IMMP2L: variants seen among roughly 807,000 people sequenced by gnomAD.
IMMP2L encodes the protein inner mitochondrial membrane peptidase subunit 2.
A neutral mutation model predicts 19.3 loss-of-function variants in IMMP2L; 18 were observed. That is an observed-to-expected ratio of 0.93 (90% confidence interval 0.64 to 1.38). IMMP2L has a LOEUF of 1.38. Among genes scored for constraint, IMMP2L ranks in the 40% most tolerant of loss-of-function variants. The pLI is 0.00. For synonymous variants in IMMP2L, 76 were observed against 73.0 expected (o/e 1.04, Z -0.21); for missense variants, 233 against 218.2 (o/e 1.07, Z -0.43).
chr7:111,072,198 A>G (rs2129575473), intron 3 of IMMP2L, among the ~76,000 whole-genome samples: 1 of 152,342 alleles, frequency 6.6e-6, no homozygotes, highest in African/African-American at 2.4e-5. Context: ...AAAAGGAATG[A>G]CAGAGTTAGA....
intron 3 of IMMP2L, among the ~76,000 whole-genome samples, chr7:111,386,208 T>C (rs1467003985): frequency 6.6e-6 from 1 of 152,076 alleles, no homozygotes; most frequent in Non-Finnish European, 1.5e-5. Flanking sequence ...TAACCTGATA[T>C]AATAATCTAG....
chr7:111,500,936 G>A (rs1253934367), intron 2 of IMMP2L, among the ~76,000 whole-genome samples: 4 of 152,160 alleles, frequency 2.6e-5, no homozygotes, highest in Admixed American at 6.6e-5. Context: ...CCAAAGGAAC[G>A]CAGCTCCTCA....
chr7:111,049,167 G>C (rs1792757904), intron 3 of IMMP2L, among the ~76,000 whole-genome samples: 1 of 113,760 alleles, frequency 8.8e-6, no homozygotes, highest in Non-Finnish European at 1.6e-5. Context: ...GTCTCGCTCT[G>C]TCGCCCAGGC....
chr7:111,317,379 C>A (rs183329914), intron 3 of IMMP2L, among the ~76,000 whole-genome samples: 2 of 152,068 alleles, frequency 1.3e-5, no homozygotes, highest in East Asian at 3.9e-4. Context: ...AGGATTTTGC[C>A]AAGCTTAATA....
chr7:111,209,436 G>A (rs112717148), intron 3 of IMMP2L, among the ~76,000 whole-genome samples: 2,113 of 149,448 alleles, frequency 0.014, 49 homozygotes, highest in African/African-American at 0.048. Context: ...CACTAATTAC[G>A]GATTAAACTC....
At chr7:111,113,523 T>G (rs1432097230) in intron 3 of IMMP2L, among the ~76,000 whole-genome samples, 1 of 152,180 alleles carries the variant, frequency 6.6e-6, no homozygotes, top group Non-Finnish European at 1.5e-5. Flanking sequence ...TCACTTCATT[T>G]ATTTTTTTCT....
chr7:111,080,419 C>T (rs139830785), intron 3 of IMMP2L, among the ~76,000 whole-genome samples: 147 of 151,432 alleles, frequency 9.7e-4, no homozygotes, highest in African/African-American at 3.4e-3. Flanking sequence ...CACGTATATA[C>T]TTATATACAC....
intron 5 of IMMP2L, among the ~76,000 whole-genome samples, chr7:110,759,322 TCTTAC>T (rs1241771236): frequency 4.2e-4 from 64 of 152,244 alleles, no homozygotes. Flanking sequence ...GAGCACCTTA[TCTTAC>T]CTTCCTCTGA....
chr7:110,667,136 C>G (rs1403880267), intron 5 of IMMP2L, among the ~76,000 whole-genome samples: 1 of 152,194 alleles, frequency 6.6e-6, no homozygotes, highest in African/African-American at 2.4e-5. Flanking sequence ...TCCCAAAGTG[C>G]TGGGATTACA....
chr7:110,776,366 T>C (rs925905459), intron 5 of IMMP2L, among the ~76,000 whole-genome samples: 2 of 152,010 alleles, frequency 1.3e-5, no homozygotes, highest in Non-Finnish European at 2.9e-5. Context: ...ATGATACAGG[T>C]ATCTCTACGT....
chr7:110,826,458 C>G (rs1230994089), intron 5 of IMMP2L, among the ~76,000 whole-genome samples: 4 of 152,042 alleles, frequency 2.6e-5, no homozygotes, highest in African/African-American at 9.7e-5. Context: ...CAATGATAGA[C>G]TGGATTAAGA....
chr7:111,308,534 G>A (rs985112768), intron 3 of IMMP2L, among the ~76,000 whole-genome samples: 4 of 151,638 alleles, frequency 2.6e-5, no homozygotes, highest in Non-Finnish European at 4.4e-5. Context: ...TTTCTAGGCA[G>A]AAAAATATTA....
intron 3 of IMMP2L, among the ~76,000 whole-genome samples, chr7:111,343,347 T>C (rs1827215992): frequency 6.6e-6 from 1 of 152,064 alleles, no homozygotes. Flanking sequence ...AACTAAACTC[T>C]TCAACTACAG....
At chr7:111,414,054 G>A (rs752044909) in intron 3 of IMMP2L, among the ~76,000 whole-genome samples, 4 of 151,644 alleles carry the variant, frequency 2.6e-5, no homozygotes, top group Admixed American at 2.6e-4. Flanking sequence ...GCAGTTTCCC[G>A]GAAAGTTTCA....
At chr7:110,968,563 C>T (rs116825863) in intron 3 of IMMP2L, among the ~76,000 whole-genome samples, 151 of 152,204 alleles carry the variant, frequency 9.9e-4, no homozygotes, top group African/African-American at 3.5e-3. Context: ...GTCCCAGTTA[C>T]TCAGGAGGCT....
chr7:111,306,658 A>C (rs1444765644), intron 3 of IMMP2L, among the ~76,000 whole-genome samples: 1 of 145,454 alleles, frequency 6.9e-6, no homozygotes, highest in Non-Finnish European at 1.5e-5. Flanking sequence ...GTGTGTGTCC[A>C]GTTTTAAAGC....
chr7:110,967,678 A>C (rs1162589997), intron 3 of IMMP2L, among the ~76,000 whole-genome samples: 2 of 152,096 alleles, frequency 1.3e-5, no homozygotes, highest in Non-Finnish European at 2.9e-5. Context: ...ATTGAGGTGA[A>C]AGGAAAAACG....
intron 5 of IMMP2L, among the ~76,000 whole-genome samples, chr7:110,700,110 G>C (rs1443454379): frequency 1.3e-5 from 2 of 152,118 alleles, no homozygotes; most frequent in Non-Finnish European, 2.9e-5. Context: ...CGGAGCAGAG[G>C]ACCCAACTAA....
intron 3 of IMMP2L, among the ~76,000 whole-genome samples, chr7:111,451,805 A>T (rs1839222242): frequency 6.6e-6 from 1 of 152,094 alleles, no homozygotes; most frequent in Admixed American, 6.6e-5. Context: ...GAAAGGAAGA[A>T]ACCCTTTCAA....
Sources: gnomAD v4.1 joint callset for allele counts (sites outside exome capture counted in the v4.1 genomes callset) on GRCh38, gnomAD v4.1.1 for gene constraint, MANE v1.5 for transcripts, NCBI Gene and HGNC (gene_info 2026-07-23, HGNC 2026-07-21) for gene names.